GALM: variants seen among roughly 807,000 people sequenced by gnomAD.
GALM encodes galactose mutarotase, also known as aldose 1-epimerase.
GALM carries 43 observed loss-of-function variants against 37.4 expected under a neutral mutation model. The ratio of observed to expected loss-of-function variants is 1.15; its 90% CI spans 0.90 to 1.48. GALM has a LOEUF of 1.48. Among genes scored for constraint, GALM ranks in the 40% most tolerant of loss-of-function variants. The pLI is 0.00. For missense variants in GALM, 456 were observed against 419.1 expected (o/e 1.09, Z -0.77); for synonymous variants, 199 against 170.6 (o/e 1.17, Z -1.30).
intron 4 of GALM, among the ~76,000 whole-genome samples, chr2:38,695,908 A>G (rs893577727): frequency 6.6e-6 from 1 of 152,120 alleles, no homozygotes; most frequent in African/African-American, 2.4e-5. Flanking sequence ...CATGTTGACC[A>G]GGCTGATCTT....
intron 4 of GALM, chr2:38,698,292 C>A: frequency 1.5e-6 from 1 of 650,236 alleles, no homozygotes; most frequent in Non-Finnish European, 2.4e-6. Context: ...GAAATTCCGG[C>A]ACTTAGGAGT....
intron 4 of GALM, among the ~76,000 whole-genome samples, chr2:38,693,100 G>C (rs959716791): frequency 6.6e-6 from 1 of 152,178 alleles, no homozygotes; most frequent in African/African-American, 2.4e-5. Flanking sequence ...TGACTCACAG[G>C]TGTGCCTGAG....
At chr2:38,685,853 G>A (rs1170525367) in intron 3 of GALM, among the ~76,000 whole-genome samples, 1 of 152,068 alleles carries the variant, frequency 6.6e-6, no homozygotes, top group Non-Finnish European at 1.5e-5. Context: ...GAGTAGCTGG[G>A]ATTACAGGCA....
At chr2:38,684,757 A>G (rs1167914457) in intron 3 of GALM, among the ~76,000 whole-genome samples, 2 of 152,304 alleles carry the variant, frequency 1.3e-5, no homozygotes, top group South Asian at 4.1e-4. Flanking sequence ...CAGTGAGCCA[A>G]GATTGCGCCA....
At chr2:38,708,858 G>T (rs946571683) in intron 4 of GALM, among the ~76,000 whole-genome samples, 5 of 152,102 alleles carry the variant, frequency 3.3e-5, no homozygotes. Context: ...TGAAGGAGAG[G>T]AGCTGATTTA....
chr2:38,703,086 ATATATATTTTTTTTTTTTTTTTTTTT>A (rs1665960007), intron 4 of GALM, among the ~76,000 whole-genome samples: 1 of 9,194 alleles, frequency 1.1e-4, no homozygotes, highest in Middle Eastern at 0.033. Context: ...ATATATATAT[ATATATATTTTTTTTTTTTTTTTTTTT>A]TTTTTTTTTT....
intron 1 of GALM, among the ~76,000 whole-genome samples, chr2:38,674,704 A>G (rs577022709): frequency 6.6e-6 from 1 of 152,322 alleles, no homozygotes; most frequent in East Asian, 1.9e-4. Flanking sequence ...AAGAGAAAGA[A>G]TAAGATCGCT....
rs199514782 is a variant in GALM at position 38,733,877 on chromosome 2, CTCTT to C, written c.*318_*321del. On this transcript the variant is annotated 3_prime_UTR_variant, in exon 7 of 7. Coordinates refer to ENST00000272252, the MANE Select transcript of GALM (RefSeq NM_138801.3). ...TGTTGGCTCCATCTCTCCACACTGCCTCTTTCTTTTCAACTTTTTGCCCTTCCTT... is the reference window on the plus strand; with the variant it reads ...TGTTGGCTCCATCTCTCCACACTGCCTCTTTTCAACTTTTTGCCCTTCCTT... 2.8e-6 allele frequency: 1 copy of C among 357,946 alleles called. No homozygotes were observed. The highest frequency in any genetic ancestry group is 5.3e-6 in the Non-Finnish European group (1 of 189,842). 22.2% of individuals were successfully genotyped at this position (357,946 alleles called of 1,614,324 possible). A position where few individuals can be genotyped will look rare whatever the true frequency, so the allele number is the denominator to read the frequency against.
At chr2:38,733,026 GC>G (rs1207569188) in intron 6 of GALM, among the ~76,000 whole-genome samples, 2 of 151,626 alleles carry the variant, frequency 1.3e-5, no homozygotes, top group African/African-American at 2.4e-5. Flanking sequence ...TTCGAGACCA[GC>G]CCGGTCAACA....
At chr2:38,666,453 A>T in intron 1 of GALM, 102 bp downstream of exon 1, 1 of 914,294 alleles carries the variant, frequency 1.1e-6, no homozygotes, top group Non-Finnish European at 1.6e-6. Flanking sequence ...CAAGGGGGAA[A>T]GTCGCCTAGC....
intron 2 of GALM, among the ~76,000 whole-genome samples, chr2:38,677,579 G>C (rs530135209): frequency 2.0e-5 from 3 of 152,192 alleles, no homozygotes; most frequent in Non-Finnish European, 4.4e-5. Context: ...TTCAGACAGG[G>C]ATCTTCAGAG....
At chr2:38,666,864 C>T (rs1413249043) in intron 1 of GALM, among the ~76,000 whole-genome samples, 1 of 152,130 alleles carries the variant, frequency 6.6e-6, no homozygotes, top group Admixed American at 6.6e-5. Flanking sequence ...CACCAGCTAC[C>T]CAATAACCAT....
intron 1 of GALM, among the ~76,000 whole-genome samples, chr2:38,670,418 GAA>G (rs1326714649): frequency 6.6e-6 from 1 of 151,904 alleles, no homozygotes; most frequent in Non-Finnish European, 1.5e-5. Flanking sequence ...CAGGGATGAG[GAA>G]AAAAAAGGAT....
chr2:38,724,037 G>C (rs1666435695), intron 4 of GALM, among the ~76,000 whole-genome samples: 1 of 152,126 alleles, frequency 6.6e-6, no homozygotes, highest in Admixed American at 6.6e-5. Context: ...TTCTGCCTCA[G>C]CCTCCAGAGT....
chr2:38,706,211 G>A (rs1666034053), intron 4 of GALM, among the ~76,000 whole-genome samples: 1 of 151,540 alleles, frequency 6.6e-6, no homozygotes, highest in African/African-American at 2.4e-5. Context: ...CACGATGTTG[G>A]CCAGGCTGGT....
At chr2:38,702,087 T>TA (rs1665932304) in intron 4 of GALM, among the ~76,000 whole-genome samples, 1 of 152,118 alleles carries the variant, frequency 6.6e-6, no homozygotes, top group African/African-American at 2.4e-5. Context: ...CTATCTTTTC[T>TA]TGTCTAGATT....
chr2:38,676,120 T>G, intron 2 of GALM, 54 bp downstream of exon 2: 2 of 1,574,966 alleles, frequency 1.3e-6, no homozygotes, highest in Non-Finnish European at 1.7e-6. Flanking sequence ...ACGCATACCT[T>G]CTGCTTGCCA....
chr2:38,668,135 G>A (rs999568781), intron 1 of GALM: 9 of 152,220 alleles, frequency 5.9e-5, no homozygotes, highest in African/African-American at 1.9e-4. Flanking sequence ...CATTCTGAAA[G>A]CTCCCGTGTC....
chr2:38,718,196 C>CTTTTTTTTTTTTTTT (rs3059479), intron 4 of GALM, among the ~76,000 whole-genome samples: 84 of 131,240 alleles, frequency 6.4e-4, no homozygotes, highest in East Asian at 9.4e-4. Flanking sequence ...TTTTTCTTTT[C>CTTTTTTTTTTTTTTT]TTTTTTTTTT....
Sources: allele counts gnomAD v4.1 joint callset (sites outside exome capture counted in the v4.1 genomes callset), GRCh38; gene constraint gnomAD v4.1.1; transcripts MANE v1.5; gene names NCBI Gene and HGNC (gene_info 2026-07-23, HGNC 2026-07-21).